The following VWF variants were observed in gnomAD, a reference collection of about 807,000 sequenced individuals.
VWF encodes von Willebrand factor.
Under a neutral mutation model 308.6 loss-of-function variants are expected in VWF, and 176 were observed. The observed-to-expected ratio is 0.57, with a 90% CI of 0.50 to 0.65. The LOEUF (loss-of-function observed/expected upper bound fraction) is 0.65. Among genes scored for constraint, VWF ranks in the 30% least tolerant of loss-of-function variants. VWF has a pLI of 0.00. For missense variants in VWF, 3,146 were observed against 3,648.2 expected, an observed-to-expected ratio of 0.86 and a Z score of 3.55; for synonymous variants, 1,385 against 1,443.4, an observed-to-expected ratio of 0.96 and a Z score of 0.92.
intron 5 of VWF, among the ~76,000 whole-genome samples, chr12:6,099,274 G>A (rs550409598): frequency 4.8e-5 from 7 of 145,968 alleles, no homozygotes; most frequent in East Asian, 4.0e-4. Context: ...AGCCCCGATC[G>A]CGCCACTGCA....
chr12:6,031,568 C>T lies in VWF; in HGVS notation c.2696G>A (p.Gly899Asp). Residue 899 changes from glycine (G) to aspartate (D), a missense_variant, in exon 21 of 52, where the codon GGC becomes GAC. Coordinates refer to ENST00000261405, the MANE Select transcript of VWF (RefSeq NM_000552.5). ...CQYVLVQDYC[G>D]SNPGTFRILV... is the part of the protein sequence containing the mutation. ...GATCCGAAAGGTCCCAGGGTTACTGCCGCAGTAATCCTGGGGAAAGAGGAG... is the reference window on the plus strand; with the variant it reads ...GATCCGAAAGGTCCCAGGGTTACTGTCGCAGTAATCCTGGGGAAAGAGGAG... The T allele has an allele frequency of 6.2e-7, 1 of 1,614,102 alleles. No homozygotes were observed. The highest frequency in any genetic ancestry group is 8.5e-7 in the Non-Finnish European group (1 of 1,180,008).
At chr12:6,090,431 A>G (rs1255353870) in intron 6 of VWF, among the ~76,000 whole-genome samples, 1 of 152,140 alleles carries the variant, frequency 6.6e-6, no homozygotes, top group East Asian at 1.9e-4. Context: ...GCTACCCAAA[A>G]GGAATGGGTT....
intron 31 of VWF, among the ~76,000 whole-genome samples, chr12:6,014,467 C>T (rs1944035573): frequency 6.6e-6 from 1 of 152,010 alleles, no homozygotes; most frequent in South Asian, 2.1e-4. Flanking sequence ...TTGAGGTGAC[C>T]CTAGTGGACA....
intron 32 of VWF, 145 bp downstream of exon 32, chr12:6,013,335 GT>G: frequency 3.9e-6 from 4 of 1,014,484 alleles, no homozygotes; most frequent in Non-Finnish European, 6.1e-6. Flanking sequence ...AAACTTAAAG[GT>G]CCTGGTCTAT....
Position 6,103,454 on chromosome 12 carries a change from A to ATATACACATATG in VWF, c.532+6919_532+6920insCATATGTGTATA, listed in dbSNP as rs1945201712. Among the ~76,000 whole-genome samples the ATATACACATATG allele has an allele frequency of 1.4e-4, 13 of 94,052 alleles. 1 individual carries two copies. The highest frequency in any genetic ancestry group is 9.7e-4 in the Admixed American group (9 of 9,248). 61.7% of individuals were successfully genotyped at this position (94,052 alleles called of 152,430 possible). On this transcript the variant is annotated intron_variant, in intron 5 of 51. Coordinates refer to ENST00000261405, the MANE Select transcript of VWF (RefSeq NM_000552.5). ...CACGTGTGTATATACATACACATAT[A>ATATACACATATG]TGTGTATATACACATATGTGTGTAT...
intron 13 of VWF, among the ~76,000 whole-genome samples, chr12:6,061,242 G>A (rs1944651224): frequency 6.6e-6 from 1 of 152,080 alleles, no homozygotes; most frequent in South Asian, 2.1e-4. Flanking sequence ...TGGCTAACGT[G>A]AAGCACCCCC....
chr12:6,108,332 T>TAC (rs553993725), intron 5 of VWF, among the ~76,000 whole-genome samples: 1,517 of 49,032 alleles, frequency 0.031, 20 homozygotes, highest in South Asian at 0.072. Flanking sequence ...GAAAGAAATA[T>TAC]ATACACACAC....
At chr12:5,987,909 G>T (rs80120073) in intron 38 of VWF, among the ~76,000 whole-genome samples, 1,790 of 152,284 alleles carry the variant, frequency 0.012, 42 homozygotes, top group African/African-American at 0.04. Flanking sequence ...TATGTCAATG[G>T]TTTTATAGGT....
chr12:6,121,366 G>T, intron 2 of VWF, 28 bp from the exon 3 acceptor site: 1 of 1,611,232 alleles, frequency 6.2e-7, no homozygotes. Flanking sequence ...AGGTTGGGCT[G>T]GTGATCTCAG....
At chr12:5,971,556 G>T (rs765351040) in intron 44 of VWF, 43 bp downstream of exon 44, 2 of 1,504,938 alleles carry the variant, frequency 1.3e-6, no homozygotes, top group Non-Finnish European at 1.8e-6. Context: ...CCCTGGAGTG[G>T]CCCCAATCTG....
In VWF at chr12:6,095,448, G is replaced by C; in HGVS notation, c.657+12C>G. On this transcript the variant is annotated intron_variant, in intron 6 of 51. Coordinates refer to ENST00000261405, the MANE Select transcript of VWF (RefSeq NM_000552.5). ...ACACCATCCAGGTGCACCCAGGCCA[G>C]TCCACACCCACCTTCTGCATTTCCC... 6.2e-7 allele frequency: 1 copy of C among 1,613,948 alleles called. No individual in the cohort carries two copies. Among genetic ancestry groups the C allele is most frequent in the African/African-American group, 1.3e-5 (1 of 75,002 alleles).
chr12:6,085,909 A>AT (rs1282753747), intron 6 of VWF, among the ~76,000 whole-genome samples: 1 of 152,132 alleles, frequency 6.6e-6, no homozygotes, highest in Non-Finnish European at 1.5e-5. Context: ...TTAAAAAAAA[A>AT]TTTTTAAAGG....
chr12:5,988,351 TG>T (rs1473867298), intron 38 of VWF, among the ~76,000 whole-genome samples: 1 of 151,900 alleles, frequency 6.6e-6, no homozygotes, highest in Admixed American at 6.6e-5. Context: ...CCACTCCAGC[TG>T]GGAAGGTGGA....
Position 6,031,584 on chromosome 12 carries a change from G to A in VWF, c.2686-6C>T. On this transcript the variant is annotated splice_polypyrimidine_tract_variant and splice_region_variant and intron_variant, in intron 20 of 51. Coordinates refer to ENST00000261405, the MANE Select transcript of VWF (RefSeq NM_000552.5). ...GGGTTACTGCCGCAGTAATCCTGGG[G>A]AAAGAGGAGTGCCAGGAGAAGACCA... is the stretch of plus-strand genomic sequence containing the variant. The A allele has an allele frequency of 1.2e-6, 2 of 1,613,994 alleles. No individual in the cohort carries two copies. Among genetic ancestry groups the A allele is most frequent in the Non-Finnish European group, 1.7e-6 (2 of 1,179,942 alleles).
chr12:6,023,587 G>A (rs1357203594), intron 25 of VWF, 44 bp downstream of exon 25: 2 of 1,612,180 alleles, frequency 1.2e-6, no homozygotes, highest in African/African-American at 2.7e-5. Flanking sequence ...AGACACATGG[G>A]AAGAAGGGAG....
chr12:6,041,450 A>G (rs1944394970), intron 18 of VWF, among the ~76,000 whole-genome samples: 1 of 151,754 alleles, frequency 6.6e-6, no homozygotes, highest in Non-Finnish European at 1.5e-5. Flanking sequence ...TTAAAAAAAA[A>G]AGAAATTTTT....
intron 6 of VWF, among the ~76,000 whole-genome samples, chr12:6,079,354 C>G (rs1387272690): frequency 6.6e-6 from 1 of 152,174 alleles, no homozygotes; most frequent in East Asian, 1.9e-4. Flanking sequence ...CACCTGTAAT[C>G]CCAGCACTTT....
chr12:5,985,331 G>T (rs543499558), intron 39 of VWF, among the ~76,000 whole-genome samples: 1 of 152,214 alleles, frequency 6.6e-6, no homozygotes, highest in Admixed American at 6.5e-5. Flanking sequence ...AAGTCTGACC[G>T]TTGCTGGGGA....
intron 40 of VWF, 90 bp from the exon 41 acceptor site, chr12:5,983,344 C>A: frequency 1.6e-6 from 2 of 1,274,466 alleles, no homozygotes; most frequent in Non-Finnish European, 2.2e-6. Flanking sequence ...CCTATTCATG[C>A]AGACTTCTAC....
Sources: allele counts gnomAD v4.1 joint callset (sites outside exome capture counted in the v4.1 genomes callset), GRCh38; gene constraint gnomAD v4.1.1; transcripts MANE v1.5; gene names NCBI Gene and HGNC (gene_info 2026-07-23, HGNC 2026-07-21).